CALCR: variants seen among roughly 807,000 people sequenced by gnomAD.
CALCR encodes calcitonin receptor.
CALCR carries 47 observed loss-of-function variants against 59.5 expected under a neutral mutation model. The observed-to-expected ratio is 0.79, with a 90% CI of 0.63 to 1.01. The LOEUF is 1.01. CALCR is among the 50% of genes least tolerant of loss of function. The probability of loss-of-function intolerance (pLI) is 0.00; values close to 1 mark genes in which losing one functional copy is unlikely to be tolerated. For missense variants in CALCR, 566 were observed against 597.1 expected, an observed-to-expected ratio of 0.95 and a Z score of 0.54; for synonymous variants, 213 against 211.3, an observed-to-expected ratio of 1.01 and a Z score of -0.07.
intron 8 of CALCR, among the ~76,000 whole-genome samples, chr7:93,460,162 G>A (rs999898059): frequency 2.6e-5 from 4 of 152,066 alleles, no homozygotes; most frequent in Admixed American, 1.3e-4. Flanking sequence ...CTAGAATCAC[G>A]GGGAAGCACT....
chr7:93,503,938 A>C (rs1801374833), intron 2 of CALCR, among the ~76,000 whole-genome samples: 1 of 152,168 alleles, frequency 6.6e-6, no homozygotes, highest in Admixed American at 6.6e-5. Context: ...AAGTTGCAAT[A>C]AAAAAATGAA....
chr7:93,567,990 TC>T (rs1321727893), intron 2 of CALCR, among the ~76,000 whole-genome samples: 1 of 152,176 alleles, frequency 6.6e-6, no homozygotes, highest in Non-Finnish European at 1.5e-5. Flanking sequence ...CTCATTTTTC[TC>T]CCCATACACT....
intron 2 of CALCR, among the ~76,000 whole-genome samples, chr7:93,555,149 C>A (rs1036794087): frequency 1.3e-5 from 2 of 151,860 alleles, no homozygotes; most frequent in African/African-American, 4.8e-5. Context: ...CAGGTCCCAG[C>A]CAGATGAGAG....
chr7:93,481,640 T>C (rs747145209), intron 3 of CALCR, among the ~76,000 whole-genome samples: 27 of 151,860 alleles, frequency 1.8e-4, no homozygotes, highest in Non-Finnish European at 3.2e-4. Context: ...CTAGTGGAAA[T>C]ATCTTGCAAA....
chr7:93,553,236 G>C (rs533319448), intron 2 of CALCR, among the ~76,000 whole-genome samples: 1 of 150,642 alleles, frequency 6.6e-6, no homozygotes, highest in South Asian at 2.1e-4. Flanking sequence ...ATTGGTTTGT[G>C]TTGCTCCACC....
intron 3 of CALCR, among the ~76,000 whole-genome samples, chr7:93,485,122 A>T (rs1800913347): frequency 6.6e-6 from 1 of 151,768 alleles, no homozygotes. Flanking sequence ...CGTTTTGAAG[A>T]AAATGGACAT....
In CALCR at chr7:93,468,763, A is replaced by G. The variant is rs746039250; in HGVS notation, c.473T>C (p.Leu158Ser). ...LYYLAIVGHS[L>S]SIFTLVISLG... Reference sequence around the variant, plus strand: ...GGAAATCACTAGGGTGAAAATTGACAAAGAATGACCCACAATAGCCAAATA... The same window carrying G: ...GGAAATCACTAGGGTGAAAATTGACGAAGAATGACCCACAATAGCCAAATA... The change falls in exon 7 of 14, where the codon TTG (leucine) becomes TCG (serine). Residue 158 changes from leucine (L) to serine (S), a missense_variant. By Grantham distance (145) the Leu-to-Ser change is moderately radical. Coordinates refer to ENST00000426151, the MANE Select transcript of CALCR (RefSeq NM_001742.4). 1.9e-6 allele frequency: 3 copies of G among 1,611,248 alleles called. No individual in the cohort carries two copies. Among genetic ancestry groups the G allele is most frequent in the East Asian group, 2.2e-5 (1 of 44,756 alleles).
chr7:93,526,791 T>A (rs557094684), intron 2 of CALCR, among the ~76,000 whole-genome samples: 8 of 152,098 alleles, frequency 5.3e-5, no homozygotes, highest in Non-Finnish European at 1.2e-4. Context: ...AGAAGCTTAT[T>A]CAACAACATA....
intron 2 of CALCR, among the ~76,000 whole-genome samples, chr7:93,519,956 T>C (rs1422399709): frequency 6.6e-6 from 1 of 152,026 alleles, no homozygotes; most frequent in Non-Finnish European, 1.5e-5. Context: ...CTCTATAAAT[T>C]ACCCAGTCTT....
chr7:93,499,720 C>G (rs1801282127), intron 2 of CALCR, among the ~76,000 whole-genome samples: 2 of 151,704 alleles, frequency 1.3e-5, no homozygotes, highest in South Asian at 4.2e-4. Context: ...TTTTGAAAGT[C>G]CACTTTCACA....
intron 3 of CALCR, among the ~76,000 whole-genome samples, chr7:93,484,403 C>A (rs989508857): frequency 6.6e-6 from 1 of 151,726 alleles, no homozygotes; most frequent in African/African-American, 2.4e-5. Context: ...AGCTGCTGTG[C>A]TGAAGGGAGA....
intron 11 of CALCR, 54 bp downstream of exon 11, chr7:93,438,006 A>G: frequency 7.6e-7 from 1 of 1,320,362 alleles, no homozygotes; most frequent in Non-Finnish European, 1.1e-6. Context: ...TATACACAGA[A>G]ATCTCAACTA....
chr7:93,433,058 T>A (rs1250487806), intron 13 of CALCR, among the ~76,000 whole-genome samples: 1 of 152,054 alleles, frequency 6.6e-6, no homozygotes. Context: ...GGTGAATGGA[T>A]GAAGAAAGAA....
rs1413638243 is a variant in CALCR at position 93,562,440 on chromosome 7, A to AC, written c.-27+11848_-27+11849insG. On this transcript the variant is annotated intron_variant, in intron 2 of 13. Coordinates refer to ENST00000426151, the MANE Select transcript of CALCR (RefSeq NM_001742.4). ...AACAACAACAACAACAACAACAACA[A>AC]AAAACAATGAAGACATTATAATTAA... 1.1e-4 allele frequency among the ~76,000 whole-genome samples: 17 copies of AC among 151,800 alleles called. No individual in the cohort carries two copies. The East Asian group carries it at 3.1e-3, about 28-fold the overall frequency.
At chr7:93,529,952 A>G (rs1482074697) in intron 2 of CALCR, among the ~76,000 whole-genome samples, 2 of 152,202 alleles carry the variant, frequency 1.3e-5, no homozygotes, top group East Asian at 3.8e-4. Context: ...CTACATTTCT[A>G]TATGTAAAAC....
intron 2 of CALCR, among the ~76,000 whole-genome samples, chr7:93,512,569 A>G (rs1216351077): frequency 6.6e-6 from 1 of 152,190 alleles, no homozygotes; most frequent in African/African-American, 2.4e-5. Flanking sequence ...ATCAGCAACC[A>G]TTTGAAGAGT....
chr7:93,478,414 G>C (rs1469022878), intron 4 of CALCR, among the ~76,000 whole-genome samples: 1 of 151,678 alleles, frequency 6.6e-6, no homozygotes, highest in Non-Finnish European at 1.5e-5. Flanking sequence ...AATGTACATG[G>C]TAGTAGGCCA....
intron 2 of CALCR, among the ~76,000 whole-genome samples, chr7:93,561,518 A>G (rs1789747810): frequency 6.6e-6 from 1 of 152,138 alleles, no homozygotes; most frequent in Non-Finnish European, 1.5e-5. Flanking sequence ...CATAGGGTTA[A>G]GAAATTTATA....
chr7:93,437,903 GAA>G (rs1700330240), intron 11 of CALCR, among the ~76,000 whole-genome samples, 155 bp downstream of exon 11: 1 of 151,976 alleles, frequency 6.6e-6, no homozygotes, highest in African/African-American at 2.4e-5. Context: ...GCGTTTTTTT[GAA>G]GAGTCTAAAA....
Sources: allele counts gnomAD v4.1 joint callset (sites outside exome capture counted in the v4.1 genomes callset), GRCh38; gene constraint gnomAD v4.1.1; transcripts MANE v1.5; gene names NCBI Gene and HGNC (gene_info 2026-07-23, HGNC 2026-07-21).